C12orf76: variants seen among roughly 807,000 people sequenced by gnomAD.
C12orf76 encodes the protein uncharacterized protein C12orf76.
Under a neutral mutation model 6.8 loss-of-function variants are expected in C12orf76, and 6 were observed. The observed-to-expected ratio is 0.88, with a 90% CI of 0.48 to 1.73. The LOEUF (loss-of-function observed/expected upper bound fraction) is 1.73, where lower values mean the gene tolerates loss of function less well. Ranked by LOEUF, C12orf76 falls within the 40% of genes most tolerant of loss-of-function variation. C12orf76 has a pLI of 0.01. For missense variants in C12orf76, 99 were observed against 98.2 expected (o/e 1.01, Z -0.03); for synonymous variants, 56 against 43.7 (o/e 1.28, Z -1.11).
At chr12:110,071,145 G>A (rs959780466), upstream of C12orf76, among the ~76,000 whole-genome samples, 2 of 152,160 alleles carry the variant, frequency 1.3e-5, no homozygotes, top group African/African-American at 4.8e-5. Flanking sequence ...TAATCCTAAT[G>A]ATAGCATTAT....
At chr12:110,048,757 G>T, upstream of C12orf76, 1 of 909,878 alleles carries the variant, frequency 1.1e-6, no homozygotes, top group Non-Finnish European at 1.4e-6. Context: ...TTACCGTTCT[G>T]CTGTGGTTAG....
chr12:110,057,843 A>C (rs10774513), intron 3 of C12orf76, among the ~76,000 whole-genome samples: 113,551 of 151,808 alleles, frequency 0.75, 42,959 homozygotes, highest in African/African-American at 0.85. Context: ...GCAGGTGGAT[A>C]ACTCGAGGTC....
At chr12:110,061,286 C>T (rs138296331) in intron 2 of C12orf76, among the ~76,000 whole-genome samples, 3 of 152,140 alleles carry the variant, frequency 2.0e-5, no homozygotes, top group Non-Finnish European at 4.4e-5. Context: ...GTTGTCCAAG[C>T]CAGAAACATG....
chr12:110,066,058 A>T (rs1892853429), intron 1 of C12orf76: 37 of 1,522,318 alleles, frequency 2.4e-5, no homozygotes, highest in Non-Finnish European at 3.5e-6. Context: ...TGGGATGAGA[A>T]TGTGGCAGAC....
At chr12:110,070,976 T>C (rs1317115407), upstream of C12orf76, among the ~76,000 whole-genome samples, 1 of 152,196 alleles carries the variant, frequency 6.6e-6, no homozygotes, top group African/African-American at 2.4e-5. Flanking sequence ...AGTTCCACCA[T>C]GTTGGCCAGG....
exon 3 of C12orf76, chr12:110,059,119 G>C (rs1180168807): frequency 1.3e-6 from 2 of 1,550,394 alleles, no homozygotes; most frequent in Non-Finnish European, 1.7e-6. Context: ...TAAATGCTAT[G>C]GTAAATGGAA....
intron 2 of C12orf76, among the ~76,000 whole-genome samples, chr12:110,064,683 G>A (rs1314034747): frequency 6.6e-6 from 1 of 152,112 alleles, no homozygotes; most frequent in Admixed American, 6.6e-5. Context: ...GGTGCTCCAC[G>A]ATCTCACCCC....
chr12:110,061,909 C>T (rs998229542), intron 2 of C12orf76, among the ~76,000 whole-genome samples: 1 of 152,100 alleles, frequency 6.6e-6, no homozygotes, highest in Admixed American at 6.5e-5. Flanking sequence ...CTACCACTTA[C>T]TGGCTACACG....
At chr12:110,058,573 G>T (rs1892716638) in intron 3 of C12orf76, among the ~76,000 whole-genome samples, 1 of 152,136 alleles carries the variant, frequency 6.6e-6, no homozygotes, top group Non-Finnish European at 1.5e-5. Context: ...GCTGAGGCAG[G>T]AGAATCACTT....
At chr12:110,068,259 G>GAAGAAGAAGAA (rs1555253383), upstream of C12orf76, among the ~76,000 whole-genome samples, 340 of 86,368 alleles carry the variant, frequency 3.9e-3, 11 homozygotes, top group African/African-American at 0.014. Flanking sequence ...AGAAGAAGAA[G>GAAGAAGAAGAA]AAGAAGAAGA....
intron 2 of C12orf76, among the ~76,000 whole-genome samples, chr12:110,059,573 C>T (rs7486176): frequency 0.22 from 33,934 of 152,192 alleles, 6,064 homozygotes; most frequent in African/African-American, 0.5. Flanking sequence ...TAAGTCTATA[C>T]AGGACTTCTG....
upstream of C12orf76, chr12:110,049,558 G>C (rs1892540885): frequency 6.6e-6 from 1 of 152,242 alleles, no homozygotes; most frequent in South Asian, 2.1e-4. Flanking sequence ...ACCTTCTTAA[G>C]GTTGGGGGAG....
rs763539289 is a variant in C12orf76, at chr12:110,041,762, C to T, written c.*612G>A. The stretch of plus-strand genomic sequence containing the variant: ...CAGTCCAACTTCAGAGCATTCCAGG[C>T]CAAAGGTGCATATAGTAACAGGTCT... On this transcript the variant is annotated 3_prime_UTR_variant, in exon 2 of 2. Coordinates refer to ENST00000615315, the MANE Select transcript of C12orf76 (RefSeq NM_001389625.1). The T allele has an allele frequency of 4.9e-4, 75 of 153,266 alleles. 1 individual carries two copies. The highest frequency in any genetic ancestry group is 9.2e-4 in the Non-Finnish European group (63 of 68,814). The allele number at this position is 153,266 out of a possible 1,614,324, so 9.5% of individuals were successfully genotyped here. A position where few individuals can be genotyped will look rare whatever the true frequency, so the allele number is the denominator to read the frequency against.
At chr12:110,044,453 G>A (rs958138150) in intron 1 of C12orf76, 1 of 153,914 alleles carries the variant, frequency 6.5e-6, no homozygotes, top group Non-Finnish European at 1.5e-5. Context: ...GCTGAGGCAG[G>A]AGAATCGCTT....
In C12orf76 at chr12:110,042,140, C is replaced by T; in HGVS notation, c.*234G>A. Reference sequence around the variant, plus strand: ...TGGAGCTTTCAGGTCTTACTTTTAACAAGTACAGTCAGAAACACTGAGAAG... The same window carrying T: ...TGGAGCTTTCAGGTCTTACTTTTAATAAGTACAGTCAGAAACACTGAGAAG... On this transcript the variant is annotated 3_prime_UTR_variant, in exon 2 of 2. Coordinates refer to ENST00000615315, the MANE Select transcript of C12orf76 (RefSeq NM_001389625.1). 3.6e-6 allele frequency: 2 copies of T among 559,080 alleles called. No individual in the cohort carries two copies. Among genetic ancestry groups the T allele is most frequent in the Non-Finnish European group, 6.4e-6 (2 of 310,988 alleles). The allele number at this position is 559,080 out of a possible 1,614,324, so 34.6% of individuals were successfully genotyped here. A position where few individuals can be genotyped will look rare whatever the true frequency, so the allele number is the denominator to read the frequency against.
Position 110,048,398 on chromosome 12 carries a change from C to T in C12orf76, c.98G>A (p.Ser33Asn). The change falls in exon 1 of 2, where the codon AGC becomes AAC. Residue 33 changes from serine (S) to asparagine (N), a missense_variant. By Grantham distance (46) the Ser-to-Asn change is conservative. Transcript: ENST00000615315. ...CCCTCGCAGCACCGCGTACGGCCGGCTCCGCTCCAGCGGATCCACGGGGCT... is the reference window on the plus strand; with the variant it reads ...CCCTCGCAGCACCGCGTACGGCCGGTTCCGCTCCAGCGGATCCACGGGGCT... The part of the protein sequence containing the change: ...APSPVDPLER[S>N]RPYAVLRGQN... 6.6e-7 allele frequency: 1 copy of T among 1,516,698 alleles called. No homozygotes were observed. The highest frequency in any genetic ancestry group is 1.2e-5 in the South Asian group (1 of 82,866). 94.0% of individuals were successfully genotyped at this position (1,516,698 alleles called of 1,614,324 possible).
At chr12:110,066,696 G>T (rs77993481) in intron 1 of C12orf76, among the ~76,000 whole-genome samples, 1 of 149,316 alleles carries the variant, frequency 6.7e-6, no homozygotes, top group African/African-American at 2.5e-5. Context: ...CTCAAAAAAA[G>T]AAAAAAAAAA....
At chr12:110,048,147 A>G (rs1300269990) in intron 1 of C12orf76, among the ~76,000 whole-genome samples, 2 of 152,188 alleles carry the variant, frequency 1.3e-5, no homozygotes, top group African/African-American at 4.8e-5. Flanking sequence ...GTTCTGGCAC[A>G]TATTGAGCAC....
chr12:110,065,239 C>T (rs571250956), intron 2 of C12orf76, among the ~76,000 whole-genome samples: 66 of 151,528 alleles, frequency 4.4e-4, no homozygotes, highest in Admixed American at 2.0e-3. Context: ...GGTGCAATCT[C>T]GGCTCGCTGC....
Sources: gnomAD v4.1 joint callset for allele counts (sites outside exome capture counted in the v4.1 genomes callset) on GRCh38, gnomAD v4.1.1 for gene constraint, MANE v1.5 for transcripts, NCBI Gene and HGNC (gene_info 2026-07-23, HGNC 2026-07-21) for gene names.